Variants in NAALADL2 observed in about 807,000 individuals in gnomAD.
NAALADL2 encodes inactive N-acetylated-alpha-linked acidic dipeptidase-like protein 2.
Under a neutral mutation model 87.2 loss-of-function variants are expected in NAALADL2, and 76 were observed. That is an observed-to-expected ratio of 0.87 (90% CI 0.72 to 1.05). NAALADL2 has a LOEUF of 1.05. NAALADL2 is among the 50% of genes least tolerant of loss of function. The pLI is 0.00. For missense variants in NAALADL2, 1,089 were observed against 945.8 expected (o/e 1.15, Z -1.99); for synonymous variants, 354 against 331.0 (o/e 1.07, Z -0.75).
chr3:175,620,701 G>A (rs1726094543), intron 10 of NAALADL2, among the ~76,000 whole-genome samples: 2 of 152,318 alleles, frequency 1.3e-5, no homozygotes, highest in Middle Eastern at 3.4e-3. Context: ...CAGCTCTCTT[G>A]TTCTTACCAC....
At chr3:175,319,747 G>A (rs1031015657) in intron 4 of NAALADL2, among the ~76,000 whole-genome samples, 2 of 152,180 alleles carry the variant, frequency 1.3e-5, no homozygotes, top group African/African-American at 4.8e-5. Flanking sequence ...TTGAACCTGG[G>A]AGGTGGAGGT....
rs9817631 is a variant in NAALADL2, at chr3:175,750,256, A to G, written c.1991-4964A>G. ...TGTCTTGAGGGCAGGATGCTACAGG[A>G]TGATCGTTGGCTAGAAGGCAGAAGA... On this transcript the variant is annotated intron_variant, in intron 12 of 13. Transcript: ENST00000454872. Among the ~76,000 whole-genome samples, 657 of 152,206 alleles carry G rather than the reference A, an allele frequency of 4.3e-3. 5 individuals carry two copies. The highest frequency in any genetic ancestry group is 0.015 in the African/African-American group (627 of 41,530).
chr3:174,510,507 T>A (rs1719529499), intron 1 of NAALADL2, among the ~76,000 whole-genome samples: 2 of 152,020 alleles, frequency 1.3e-5, no homozygotes, highest in Admixed American at 6.5e-5. Flanking sequence ...TTATTGAATA[T>A]ATTGGCATTT....
chr3:175,115,962 T>TA (rs1725069134), intron 2 of NAALADL2, among the ~76,000 whole-genome samples: 1 of 151,852 alleles, frequency 6.6e-6, no homozygotes, highest in South Asian at 2.1e-4. Flanking sequence ...ATCCATCTTG[T>TA]AAACTGAACC....
At chr3:174,867,839 T>A (rs1202053199) in intron 1 of NAALADL2, among the ~76,000 whole-genome samples, 2 of 152,058 alleles carry the variant, frequency 1.3e-5, no homozygotes, top group African/African-American at 4.8e-5. Flanking sequence ...TATTCTGAGA[T>A]TGGAAGTAGT....
At chr3:174,637,471 A>G (rs936956019) in intron 2 of NAALADL2, among the ~76,000 whole-genome samples, 2 of 152,120 alleles carry the variant, frequency 1.3e-5, no homozygotes, top group Non-Finnish European at 2.9e-5. Flanking sequence ...GAATGTATCA[A>G]AAGAAATTAA....
intron 2 of NAALADL2, among the ~76,000 whole-genome samples, chr3:175,151,481 A>G (rs1731532888): frequency 6.6e-6 from 1 of 152,296 alleles, no homozygotes; most frequent in African/African-American, 2.4e-5. Flanking sequence ...ATAAACTGGG[A>G]ATTGTCTTTT....
At chr3:175,351,814 G>A (rs1424450365) in intron 5 of NAALADL2, among the ~76,000 whole-genome samples, 1 of 152,060 alleles carries the variant, frequency 6.6e-6, no homozygotes, top group Non-Finnish European at 1.5e-5. Context: ...AATAACAATG[G>A]GGGTTTTCCA....
chr3:175,335,788 G>A (rs1761910217), intron 5 of NAALADL2, among the ~76,000 whole-genome samples: 1 of 152,072 alleles, frequency 6.6e-6, no homozygotes, highest in Non-Finnish European at 1.5e-5. Flanking sequence ...ATTTTTCAGT[G>A]AGAATTAAAA....
chr3:175,486,028 T>G (rs1217722809), intron 9 of NAALADL2, among the ~76,000 whole-genome samples: 1 of 152,148 alleles, frequency 6.6e-6, no homozygotes, highest in Non-Finnish European at 1.5e-5. Flanking sequence ...CTTTCAGAAC[T>G]GTGAGAAATA....
intron 2 of NAALADL2, among the ~76,000 whole-genome samples, chr3:174,706,754 G>T (rs965181305): frequency 3.3e-5 from 5 of 152,164 alleles, no homozygotes; most frequent in Non-Finnish European, 7.4e-5. Context: ...TTCTTCTAGG[G>T]TTTTTATGGT....
chr3:175,532,653 C>T (rs4287917), intron 9 of NAALADL2, among the ~76,000 whole-genome samples: 138,202 of 152,272 alleles, frequency 0.91, 62,888 homozygotes, highest in East Asian at 0.97. Flanking sequence ...CAGACTATAC[C>T]AATTGCTAAT....
chr3:175,756,062 A>G (rs967503712), intron 13 of NAALADL2, among the ~76,000 whole-genome samples: 3 of 152,260 alleles, frequency 2.0e-5, no homozygotes, highest in Admixed American at 6.5e-5. Flanking sequence ...ATGAAGTTTA[A>G]AAGATTATGG....
At chr3:175,288,348 T>G (rs1168606654) in intron 4 of NAALADL2, among the ~76,000 whole-genome samples, 1 of 152,140 alleles carries the variant, frequency 6.6e-6, no homozygotes, top group Non-Finnish European at 1.5e-5. Flanking sequence ...TTACTCAGTT[T>G]CCCAATATAA....
At chr3:174,908,570 G>A (rs1397381408) in intron 1 of NAALADL2, among the ~76,000 whole-genome samples, 1 of 152,056 alleles carries the variant, frequency 6.6e-6, no homozygotes, top group Non-Finnish European at 1.5e-5. Flanking sequence ...CTAATGAAGA[G>A]AAAAACAAAG....
chr3:175,160,134 A>T (rs1732933084), intron 2 of NAALADL2, among the ~76,000 whole-genome samples: 1 of 151,532 alleles, frequency 6.6e-6, no homozygotes, highest in Non-Finnish European at 1.5e-5. Flanking sequence ...TCACTTTGTC[A>T]GGCCGCAAGT....
intron 11 of NAALADL2, among the ~76,000 whole-genome samples, chr3:175,640,958 G>A (rs1039960951): frequency 6.6e-6 from 1 of 152,144 alleles, no homozygotes; most frequent in Admixed American, 6.5e-5. Flanking sequence ...ATTTCACTAG[G>A]CAACTGCTTT....
In NAALADL2 at chr3:175,366,943, G is replaced by A. The variant is rs370008106; in HGVS notation, c.1090+42618G>A. ...ACTTGAAGTCCTTGCCCATGCCTATGTCCTGAATGGTAATGCCTAGGTTTT... is the reference window on the plus strand; with the variant it reads ...ACTTGAAGTCCTTGCCCATGCCTATATCCTGAATGGTAATGCCTAGGTTTT... On this transcript the variant is annotated intron_variant, in intron 5 of 13. Transcript: ENST00000454872. Among the ~76,000 whole-genome samples the A allele has an allele frequency of 6.5e-4, 98 of 151,700 alleles. 2 individuals carry two copies. The South Asian group carries it at 0.01, about 16-fold the overall frequency.
intron 1 of NAALADL2, chr3:175,059,218 A>C (rs1344584937): frequency 1.3e-5 from 2 of 151,868 alleles, no homozygotes; most frequent in Admixed American, 6.6e-5. Flanking sequence ...AAGTTTTTCA[A>C]AGGAAGTGAA....
Sources: allele counts gnomAD v4.1 joint callset (sites outside exome capture counted in the v4.1 genomes callset), GRCh38; gene constraint gnomAD v4.1.1; transcripts MANE v1.5; gene names NCBI Gene and HGNC (gene_info 2026-07-23, HGNC 2026-07-21).